Variants in TLK2 observed in about 807,000 individuals in gnomAD.
TLK2 encodes the protein serine/threonine-protein kinase tousled-like 2.
In TLK2, 6 loss-of-function variants were observed where a neutral mutation model predicts 117.3. The ratio of observed to expected loss-of-function variants is 0.05; its 90% CI spans 0.03 to 0.10. The LOEUF is 0.10. TLK2 is among the 10% of genes least tolerant of loss of function. The pLI is 1.00. For missense variants in TLK2, 299 were observed against 901.2 expected (o/e 0.33, Z 8.56); for synonymous variants, 257 against 316.7 (o/e 0.81, Z 2.00).
chr17:62,515,547 G>A (rs1319105906), intron 2 of TLK2, among the ~76,000 whole-genome samples: 2 of 152,024 alleles, frequency 1.3e-5, no homozygotes, highest in Non-Finnish European at 2.9e-5. Context: ...GATGTGAGGC[G>A]GTGTCTTTTT....
intron 8 of TLK2, among the ~76,000 whole-genome samples, chr17:62,552,837 T>C (rs1444015474): frequency 2.0e-5 from 3 of 152,224 alleles, no homozygotes; most frequent in Non-Finnish European, 4.4e-5. Context: ...ATTAGTAGTG[T>C]ACTTGTAGTA....
chr17:62,491,975 T>C (rs549188542), intron 2 of TLK2, among the ~76,000 whole-genome samples: 2 of 152,228 alleles, frequency 1.3e-5, no homozygotes, highest in Non-Finnish European at 2.9e-5. Flanking sequence ...GATACTAGAA[T>C]CTGCTAAGAA....
intron 18 of TLK2, among the ~76,000 whole-genome samples, chr17:62,601,701 T>C (rs899554227): frequency 6.6e-6 from 1 of 152,126 alleles, no homozygotes; most frequent in Non-Finnish European, 1.5e-5. Flanking sequence ...CTAAACAGGG[T>C]AGTTTAGAGA....
At position 62,574,273 on chromosome 17, in the gene TLK2, T is replaced by C. The variant is rs1310869212; in HGVS notation, c.1121+906T>C. On this transcript the variant is annotated intron_variant, in intron 12 of 21. Transcript: ENST00000346027. Reference sequence around the variant, plus strand: ...AACACCAATCCTCACCCCATACATATCTGATGTTTTGGGAAGTCTCTTCCT... The same window carrying C: ...AACACCAATCCTCACCCCATACATACCTGATGTTTTGGGAAGTCTCTTCCT... The C allele has an allele frequency of 9.2e-6, 14 of 1,528,382 alleles. No individual in the cohort carries two copies. The East Asian group carries it at 9.8e-5, about 11-fold the overall frequency. 94.7% of individuals were successfully genotyped at this position (1,528,382 alleles called of 1,614,324 possible). A position where few individuals can be genotyped will look rare whatever the true frequency, so the allele number is the denominator to read the frequency against.
intron 11 of TLK2, among the ~76,000 whole-genome samples, chr17:62,568,068 A>T (rs923801050): frequency 2.0e-5 from 3 of 152,190 alleles, no homozygotes; most frequent in African/African-American, 7.2e-5. Context: ...AGAAGTCTCA[A>T]ACAGTCCATG....
In TLK2 at chr17:62,481,152, C is replaced by T. The variant is rs1225584226; in HGVS notation, c.27C>T (p.Asp9=). Residue 9 remains aspartate, a synonymous_variant, in exon 2 of 22, where the codon GAC becomes GAT. Transcript: ENST00000346027. MMEELHSL[D]PRRQELLEAR... is the part of the protein sequence containing the mutation. ...TGATGGAAGAATTGCATAGCCTGGA[C>T]CCACGACGGCAGGAATTATTGGAGG... The T allele has an allele frequency of 2.5e-6, 4 of 1,613,816 alleles. No homozygotes were observed. Among genetic ancestry groups the T allele is most frequent in the Non-Finnish European group, 3.4e-6 (4 of 1,179,826 alleles).
chr17:62,505,620 T>C (rs2074618716), intron 2 of TLK2, among the ~76,000 whole-genome samples: 1 of 151,980 alleles, frequency 6.6e-6, no homozygotes, highest in African/African-American at 2.4e-5. Flanking sequence ...GAGACACCAT[T>C]TTAAAAATGC....
At chr17:62,580,032 T>TA (rs1456819633) in intron 14 of TLK2, 79 bp from the exon 15 acceptor site, 3 of 1,091,300 alleles carry the variant, frequency 2.7e-6, no homozygotes, top group Non-Finnish European at 4.1e-6. Flanking sequence ...TATAATGTGT[T>TA]AGATATTCTG....
intron 7 of TLK2, among the ~76,000 whole-genome samples, chr17:62,542,654 A>G (rs1011469830): frequency 3.9e-5 from 6 of 152,216 alleles, no homozygotes; most frequent in African/African-American, 1.4e-4. Flanking sequence ...GCAAAACCAA[A>G]TGATTTTATT....
In TLK2 at chr17:62,491,509, T is replaced by C. The variant is rs2073108928; in HGVS notation, c.81+10303T>C. Among the ~76,000 whole-genome samples the C allele has an allele frequency of 2.6e-5, 4 of 152,348 alleles. No individual in the cohort carries two copies. The South Asian group carries it at 8.3e-4, about 32-fold the overall frequency. ...CCTGGTGGTATGTTTCACTTGATCC[T>C]GGCTACTACTAGATGTGATGGGATT... On this transcript the variant is annotated intron_variant, in intron 2 of 21. Transcript: ENST00000346027.
chr17:62,545,669 T>G (rs2077856863), intron 7 of TLK2, among the ~76,000 whole-genome samples: 1 of 152,016 alleles, frequency 6.6e-6, no homozygotes, highest in South Asian at 2.1e-4. Flanking sequence ...GAGGTGGTCA[T>G]TTTTTAGGTT....
At chr17:62,476,609 A>AAAATG (rs1403118871), upstream of TLK2, among the ~76,000 whole-genome samples, 1 of 151,678 alleles carries the variant, frequency 6.6e-6, no homozygotes, top group Non-Finnish European at 1.5e-5. Flanking sequence ...AAAATAAAAT[A>AAAATG]AAAAGATCCT....
chr17:62,584,090 TG>T (rs1475474189), intron 15 of TLK2, among the ~76,000 whole-genome samples: 2 of 149,238 alleles, frequency 1.3e-5, no homozygotes, highest in Admixed American at 6.8e-5. Flanking sequence ...TGGTATTTAA[TG>T]TTTTTTTCTT....
chr17:62,550,779 T>C (rs1209299643), intron 7 of TLK2: 1 of 152,204 alleles, frequency 6.6e-6, no homozygotes, highest in Non-Finnish European at 1.5e-5. Context: ...GTACTTAATA[T>C]CTCTGATTTT....
At position 62,546,013 on chromosome 17, in the gene TLK2, C is replaced by T. The variant is rs139316417; in HGVS notation, c.532-6289C>T. ...TCTCCTGCCTCAGCCTTCTGAGTAG[C>T]TAGGATTACAGGCTCACACCACTGT... On this transcript the variant is annotated intron_variant, in intron 7 of 21. Transcript: ENST00000346027. Among the ~76,000 whole-genome samples, 89 of 152,254 alleles carry T rather than the reference C, an allele frequency of 5.8e-4. 1 individual carries two copies. The Middle Eastern group carries it at 0.01, about 17-fold the overall frequency.
intron 20 of TLK2, among the ~76,000 whole-genome samples, chr17:62,607,012 CTTTTTTT>C (rs10680028): frequency 8.1e-6 from 1 of 123,566 alleles, no homozygotes; most frequent in South Asian, 2.8e-4. Context: ...TCTCCTTGGT[CTTTTTTT>C]TTTTTTTTTT....
intron 17 of TLK2, chr17:62,600,221 G>C (rs1226131428): frequency 6.8e-6 from 1 of 146,828 alleles, no homozygotes; most frequent in Non-Finnish European, 1.5e-5. Context: ...TCCAGCCTAG[G>C]CAGCAGAGTG....
intron 3 of TLK2, among the ~76,000 whole-genome samples, chr17:62,521,080 C>T (rs764680230): frequency 6.6e-6 from 1 of 152,146 alleles, no homozygotes; most frequent in Non-Finnish European, 1.5e-5. Flanking sequence ...GGATCGTTTG[C>T]ACCCGGGAGA....
chr17:62,540,133 T>C (rs1275649102), intron 7 of TLK2, among the ~76,000 whole-genome samples: 3 of 147,670 alleles, frequency 2.0e-5, no homozygotes, highest in African/African-American at 7.4e-5. Context: ...AGACAGAGTA[T>C]TAGTGTGTTA....
Sources: allele counts gnomAD v4.1 joint callset (sites outside exome capture counted in the v4.1 genomes callset), GRCh38; gene constraint gnomAD v4.1.1; transcripts MANE v1.5; gene names NCBI Gene and HGNC (gene_info 2026-07-23, HGNC 2026-07-21).